The following TCERG1L variants were observed in gnomAD, a reference collection of about 807,000 sequenced individuals.
TCERG1L encodes the protein transcription elongation regulator 1 like.
A neutral mutation model predicts 56.3 loss-of-function variants in TCERG1L; 37 were observed. The ratio of observed to expected loss-of-function variants is 0.66; its 90% confidence interval spans 0.51 to 0.87. TCERG1L has a LOEUF of 0.87. Ranked by LOEUF, TCERG1L falls within the 40% of genes least tolerant of loss-of-function variation. The probability of loss-of-function intolerance (pLI) is 0.00; values close to 1 mark genes in which losing one functional copy is unlikely to be tolerated. For missense variants in TCERG1L, 799 were observed against 774.2 expected (o/e 1.03, Z -0.38); for synonymous variants, 324 against 326.3 (o/e 0.99, Z 0.08).
chr10:131,235,706 T>C (rs962978559), intron 4 of TCERG1L, among the ~76,000 whole-genome samples: 2 of 152,290 alleles, frequency 1.3e-5, no homozygotes, highest in Admixed American at 1.3e-4. Flanking sequence ...ACCCTGTTCA[T>C]GCAAACCAAC....
At chr10:131,165,783 G>A (rs557460250) in intron 5 of TCERG1L, among the ~76,000 whole-genome samples, 8 of 152,230 alleles carry the variant, frequency 5.3e-5, no homozygotes, top group East Asian at 3.9e-4. Context: ...GCTACTTACC[G>A]AGGTCTTCTC....
chr10:131,239,647 A>G (rs1845950380), intron 4 of TCERG1L, among the ~76,000 whole-genome samples: 2 of 152,234 alleles, frequency 1.3e-5, no homozygotes, highest in Non-Finnish European at 2.9e-5. Context: ...CAGTGCAGAC[A>G]GAGGGGCTTT....
intron 3 of TCERG1L, among the ~76,000 whole-genome samples, chr10:131,291,401 C>CT (rs71009957): frequency 0.01 from 381 of 36,590 alleles, 145 homozygotes; most frequent in East Asian, 0.022. Context: ...AACAGCATTT[C>CT]TTTTTTTTTT....
intron 4 of TCERG1L, among the ~76,000 whole-genome samples, chr10:131,229,687 C>A (rs1845828797): frequency 6.6e-6 from 1 of 151,890 alleles, no homozygotes; most frequent in South Asian, 2.1e-4. Context: ...AGAATAGTTA[C>A]CTCCTAAATA....
intron 4 of TCERG1L, among the ~76,000 whole-genome samples, chr10:131,252,914 C>G (rs1038807700): frequency 6.6e-6 from 1 of 152,142 alleles, no homozygotes; most frequent in African/African-American, 2.4e-5. Context: ...GTCTACAGAC[C>G]AACTATCTCC....
intron 6 of TCERG1L, 70 bp downstream of exon 6, chr10:131,163,052 G>A: frequency 8.1e-7 from 1 of 1,229,472 alleles, no homozygotes; most frequent in South Asian, 1.6e-5. Context: ...TGTCTCTTTG[G>A]TGACATCAGG....
intron 8 of TCERG1L, among the ~76,000 whole-genome samples, chr10:131,126,881 C>T (rs1237190585): frequency 6.6e-6 from 1 of 152,212 alleles, no homozygotes; most frequent in Admixed American, 6.5e-5. Context: ...GCTCTCAAAA[C>T]TCTGGACGGG....
At chr10:131,250,505 C>T (rs564249473) in intron 4 of TCERG1L, among the ~76,000 whole-genome samples, 1 of 137,402 alleles carries the variant, frequency 7.3e-6, no homozygotes, top group Non-Finnish European at 1.6e-5. Context: ...GTATATCCTA[C>T]TTGGGGAATC....
intron 4 of TCERG1L, among the ~76,000 whole-genome samples, chr10:131,174,962 T>TGGGACCCCACCCCTGTTACCTG: frequency 1.3e-5 from 2 of 150,344 alleles, no homozygotes; most frequent in Non-Finnish European, 1.5e-5. Flanking sequence ...CCCACCCCAA[T>TGGGACCCCACCCCTGTTACCTG]AATGGGACCC....
Position 131,137,624 on chromosome 10 carries a change from A to G in TCERG1L, c.1190-3176T>C, listed in dbSNP as rs532102465. Among the ~76,000 whole-genome samples the G allele has an allele frequency of 7.9e-4, 120 of 152,316 alleles. 1 individual carries two copies. Among genetic ancestry groups the G allele is most frequent in the African/African-American group, 2.7e-3 (112 of 41,582 alleles). The stretch of plus-strand genomic sequence containing the variant: ...GGGAGGCCACGGGGGAAACATCCAC[A>G]TTTCTTAAAACTTAAAAAATGAGGT... On this transcript the variant is annotated intron_variant, in intron 7 of 11. Coordinates refer to ENST00000368642, the MANE Select transcript of TCERG1L (RefSeq NM_174937.4).
intron 8 of TCERG1L, among the ~76,000 whole-genome samples, chr10:131,128,484 C>G (rs1277815303): frequency 1.3e-5 from 2 of 152,104 alleles, no homozygotes; most frequent in Middle Eastern, 6.8e-3. Flanking sequence ...CTATCATTGT[C>G]TTCTAAAGGA....
At chr10:131,257,057 A>G (rs552761857) in intron 4 of TCERG1L, among the ~76,000 whole-genome samples, 12 of 146,706 alleles carry the variant, frequency 8.2e-5, no homozygotes, top group South Asian at 4.4e-4. Flanking sequence ...AAGAAAGAAA[A>G]GAAAGAAAGA....
intron 9 of TCERG1L, among the ~76,000 whole-genome samples, chr10:131,109,956 C>T (rs1382332893): frequency 1.3e-5 from 2 of 152,234 alleles, no homozygotes; most frequent in Non-Finnish European, 2.9e-5. Context: ...TCAAAATGGA[C>T]ATCGCCCAAG....
chr10:131,308,391 T>A lies in TCERG1L; in HGVS notation c.490A>T (p.Ile164Phe). 6.2e-7 allele frequency: 1 copy of A among 1,612,430 alleles called. No individual in the cohort carries two copies. The highest frequency in any genetic ancestry group is 8.5e-7 in the Non-Finnish European group (1 of 1,179,154). The change falls in exon 3 of 12, where the codon ATC becomes TTC. Residue 164 changes from isoleucine to phenylalanine, a missense_variant and splice_region_variant. Physicochemically the swap from Ile to Phe is conservative, Grantham distance 21. Coordinates refer to ENST00000368642, the MANE Select transcript of TCERG1L (RefSeq NM_174937.4). ...WIDKRIPNCK[I>F]FFNNSFALDS... ...AGAGCAAAGGAATTATTAAAAAAGA[T>A]CTGTCGAAAAATAATGCAAGCATAA...
At chr10:131,204,841 G>A (rs1845498913) in intron 4 of TCERG1L, among the ~76,000 whole-genome samples, 2 of 152,194 alleles carry the variant, frequency 1.3e-5, no homozygotes, top group African/African-American at 4.8e-5. Context: ...TCGGTTTTAT[G>A]AACAGGCAGA....
At chr10:131,301,528 A>C (rs889250870) in intron 3 of TCERG1L, among the ~76,000 whole-genome samples, 19 of 152,076 alleles carry the variant, frequency 1.2e-4, no homozygotes, top group African/African-American at 4.4e-4. Context: ...TTACCTGAGA[A>C]AATTAAAAGA....
At chr10:131,152,026 G>A (rs1194228967) in intron 6 of TCERG1L, among the ~76,000 whole-genome samples, 4 of 152,144 alleles carry the variant, frequency 2.6e-5, no homozygotes, top group African/African-American at 4.8e-5. Flanking sequence ...ACAGAGCAGG[G>A]TGACCCTCCT....
intron 8 of TCERG1L, among the ~76,000 whole-genome samples, chr10:131,122,567 G>A (rs1018560162): frequency 1.3e-5 from 2 of 152,256 alleles, no homozygotes; most frequent in Admixed American, 6.5e-5. Context: ...GACGGACAGA[G>A]GCTCCTGCCC....
At chr10:131,122,331 A>G (rs977434018) in intron 8 of TCERG1L, among the ~76,000 whole-genome samples, 3 of 152,162 alleles carry the variant, frequency 2.0e-5, no homozygotes, top group African/African-American at 7.2e-5. Context: ...CGTGTCAGGA[A>G]ACACCAGCCC....
Sources: gnomAD v4.1 joint callset for allele counts (sites outside exome capture counted in the v4.1 genomes callset) on GRCh38, gnomAD v4.1.1 for gene constraint, MANE v1.5 for transcripts, NCBI Gene and HGNC (gene_info 2026-07-23, HGNC 2026-07-21) for gene names.